SP3: variants seen among roughly 807,000 people sequenced by gnomAD.
SP3 encodes Sp3 transcription factor, also known as transcription factor Sp3.
SP3 carries 10 observed loss-of-function variants against 70.3 expected under a neutral mutation model. The ratio of observed to expected loss-of-function variants is 0.14; its 90% CI spans 0.09 to 0.24. The LOEUF is 0.24. Among genes scored for constraint, SP3 ranks in the 10% least tolerant of loss-of-function variants. SP3 has a pLI of 1.00. For synonymous variants in SP3, 402 were observed against 333.5 expected (o/e 1.21, Z -2.24); for missense variants, 825 against 914.6 (o/e 0.90, Z 1.26).
intron 4 of SP3, among the ~76,000 whole-genome samples, chr2:173,949,335 T>C (rs1690641976): frequency 6.6e-6 from 1 of 150,906 alleles, no homozygotes; most frequent in Admixed American, 6.6e-5. Flanking sequence ...GAAAATACTT[T>C]ATTCAAGGCT....
chr2:173,957,789 G>A (rs1357306286), intron 3 of SP3, among the ~76,000 whole-genome samples: 1 of 152,172 alleles, frequency 6.6e-6, no homozygotes, highest in African/African-American at 2.4e-5. Flanking sequence ...ACTAAAGGCT[G>A]AGAAATTGTG....
In SP3 at chr2:173,965,152, C is replaced by T. The variant is rs990342409; in HGVS notation, c.7+13G>A. 3.9e-6 allele frequency: 6 copies of T among 1,547,084 alleles called. No homozygotes were observed. Among genetic ancestry groups the T allele is most frequent in the Admixed American group, 2.0e-5 (1 of 50,790 alleles). Reference sequence around the variant, plus strand: ...GCGGCAGCAGCAAGGGTTGCTCTCTCGGCTTTACGTACCGGTCATAGTGTG... The same window carrying T: ...GCGGCAGCAGCAAGGGTTGCTCTCTTGGCTTTACGTACCGGTCATAGTGTG... On this transcript the variant is annotated intron_variant, in intron 1 of 6. Coordinates refer to ENST00000310015, the MANE Select transcript of SP3 (RefSeq NM_003111.5).
chr2:173,918,898 T>G, intron 4 of SP3, 113 bp from the exon 5 acceptor site: 2 of 829,190 alleles, frequency 2.4e-6, no homozygotes, highest in Non-Finnish European at 1.8e-6. Context: ...ACTACTTCTC[T>G]TGCCTAGACT....
At chr2:173,936,655 C>T (rs531162238) in intron 4 of SP3, among the ~76,000 whole-genome samples, 6 of 152,292 alleles carry the variant, frequency 3.9e-5, no homozygotes, top group African/African-American at 1.4e-4. Context: ...AAAAATGCTG[C>T]TTCCTTTCCT....
intron 4 of SP3, among the ~76,000 whole-genome samples, chr2:173,932,922 G>A (rs919575380): frequency 6.6e-6 from 1 of 152,170 alleles, no homozygotes; most frequent in African/African-American, 2.4e-5. Context: ...AATCCCAGAG[G>A]CAGAGCTTGC....
At chr2:173,932,326 G>C (rs1405215089) in intron 4 of SP3, among the ~76,000 whole-genome samples, 1 of 152,100 alleles carries the variant, frequency 6.6e-6, no homozygotes, top group Non-Finnish European at 1.5e-5. Context: ...CAAGTGGCTG[G>C]GATTACAGGC....
chr2:173,929,312 T>C (rs1358365173), intron 4 of SP3, among the ~76,000 whole-genome samples: 2 of 152,190 alleles, frequency 1.3e-5, no homozygotes, highest in Non-Finnish European at 2.9e-5. Flanking sequence ...ATATTTATTC[T>C]TCCCACATGA....
At chr2:173,956,677 C>T (rs1409752040) in intron 3 of SP3, among the ~76,000 whole-genome samples, 2 of 152,166 alleles carry the variant, frequency 1.3e-5, no homozygotes, top group Non-Finnish European at 2.9e-5. Context: ...ATGAAATCTA[C>T]TCTTTTGTGG....
In SP3 at chr2:173,964,420, C is replaced by G. The variant is rs1342099741; in HGVS notation, c.141G>C (p.Ala47=). Residue 47 remains alanine (A), a synonymous_variant, in exon 2 of 7, where the codon GCG becomes GCC. Coordinates refer to ENST00000310015, the MANE Select transcript of SP3 (RefSeq NM_003111.5). The part of the protein sequence containing the change: ...QQQHGNGAVA[A]AAAAQDTQPS... Reference sequence around the variant, plus strand: ...CGCTCCTCACCTGGGCCGCCGCTGCCGCCGCCACCGCACCGTTTCCGTGCT... The same window carrying G: ...CGCTCCTCACCTGGGCCGCCGCTGCGGCCGCCACCGCACCGTTTCCGTGCT... 1 of 729,014 alleles carries G rather than the reference C, an allele frequency of 1.4e-6. No individual in the cohort carries two copies. The highest frequency in any genetic ancestry group is 2.5e-6 in the Non-Finnish European group (1 of 398,264). 45.2% of individuals were successfully genotyped at this position (729,014 alleles called of 1,614,324 possible).
rs746337075 is a variant in SP3, at chr2:173,910,086, G to A, written c.2201C>T (p.Thr734Met). ...DDTLITAGGTTLILANIQQGS... is the reference protein window; with the variant it reads ...DDTLITAGGTMLILANIQQGS... ...TTGTTGAATATTTGCAAGGATAAGC[G>A]TTGTTCCTCCTGCAGTAATCAAAGT... The change falls in exon 7 of 7, where the codon ACG becomes ATG. Residue 734 changes from threonine (T) to methionine (M), a missense_variant. Physicochemically the swap from Thr to Met is moderately conservative, Grantham distance 81. This residue lies in a region of SP3 where 91 missense variants were observed against 97.4 expected (regional missense o/e 0.93). Coordinates refer to ENST00000310015, the MANE Select transcript of SP3 (RefSeq NM_003111.5). 3.1e-6 allele frequency: 5 copies of A among 1,612,808 alleles called. No homozygotes were observed. The highest frequency in any genetic ancestry group is 1.3e-5 in the African/African-American group (1 of 74,872).
rs2105449035 is a variant in SP3, at chr2:173,907,083, G to A, written c.*2858C>T. 6.6e-6 allele frequency: 1 copy of A among 152,190 alleles called. No individual in the cohort carries two copies. The highest frequency in any genetic ancestry group is 3.4e-3 in the Middle Eastern group (1 of 294). The allele number at this position is 152,190 out of a possible 1,614,324, so 9.4% of individuals were successfully genotyped here. On this transcript the variant is annotated 3_prime_UTR_variant, in exon 7 of 7. Coordinates refer to ENST00000310015, the MANE Select transcript of SP3 (RefSeq NM_003111.5). ...CCTTTAAAAGGTTATGTGCTTTTTG[G>A]TTGAGTCACTTTTCAGTAATTAAGC... is the stretch of plus-strand genomic sequence containing the variant.
At position 173,909,993 on chromosome 2, in the gene SP3, G is replaced by T. The variant is rs760421387; in HGVS notation, c.2294C>A (p.Thr765Asn). The T allele has an allele frequency of 2.5e-6, 4 of 1,613,838 alleles. No homozygotes were observed. In the Admixed American group the frequency reaches 5.0e-5, roughly 20 times the overall value. ...TGTGACAAGCTGTAAAGGTATTTCAGTGTTGGTAAGGATATCTTGATTGCT... is the reference window on the plus strand; with the variant it reads ...TGTGACAAGCTGTAAAGGTATTTCATTGTTGGTAAGGATATCTTGATTGCT... ...ATSNQDILTN[T>N]EIPLQLVTVS... The change falls in exon 7 of 7, where the codon ACT (threonine) becomes AAT (asparagine). Residue 765 changes from threonine to asparagine, a missense_variant. By Grantham distance (65) the Thr-to-Asn change is moderately conservative. Coordinates refer to ENST00000310015, the MANE Select transcript of SP3 (RefSeq NM_003111.5).
chr2:173,926,831 G>C (rs559588069), intron 4 of SP3, among the ~76,000 whole-genome samples: 1 of 152,240 alleles, frequency 6.6e-6, no homozygotes, highest in East Asian at 1.9e-4. Context: ...AGCCATGACA[G>C]AACAGATTTG....
intron 3 of SP3, among the ~76,000 whole-genome samples, chr2:173,961,575 A>G (rs1574428981): frequency 6.6e-6 from 1 of 152,236 alleles, no homozygotes; most frequent in Non-Finnish European, 1.5e-5. Context: ...ATGTATCATC[A>G]TTATCCTAAC....
At chr2:173,953,280 C>A (rs559747599) in intron 4 of SP3, among the ~76,000 whole-genome samples, 2 of 152,340 alleles carry the variant, frequency 1.3e-5, no homozygotes, top group African/African-American at 4.8e-5. Context: ...CTGAAAGTGT[C>A]AACACAGAGA....
At chr2:173,926,015 A>G (rs1689900009) in intron 4 of SP3, among the ~76,000 whole-genome samples, 1 of 152,242 alleles carries the variant, frequency 6.6e-6, no homozygotes, top group African/African-American at 2.4e-5. Flanking sequence ...TCTTAAAGGT[A>G]GACTGAATTT....
chr2:173,918,562 A>G (rs1440230240), intron 5 of SP3, 31 bp downstream of exon 5: 1 of 1,591,178 alleles, frequency 6.3e-7, no homozygotes, highest in Admixed American at 1.7e-5. Context: ...TAGCACTCTT[A>G]AAAATATATA....
Position 173,909,814 on chromosome 2 carries a change from T to A in SP3, c.*127A>T. The stretch of plus-strand genomic sequence containing the variant: ...CAAAGTAAGGCATTTCAGTGTCATG[T>A]ATAACCAAGTTACTGTCAATCCAAA... On this transcript the variant is annotated 3_prime_UTR_variant, in exon 7 of 7. Transcript: ENST00000310015. 1 of 722,988 alleles carries A rather than the reference T, an allele frequency of 1.4e-6. No homozygotes were observed. The highest frequency in any genetic ancestry group is 2.3e-6 in the Non-Finnish European group (1 of 441,854). 44.8% of individuals were successfully genotyped at this position (722,988 alleles called of 1,614,324 possible).
At chr2:173,950,752 A>C (rs192523956) in intron 4 of SP3, among the ~76,000 whole-genome samples, 5 of 152,290 alleles carry the variant, frequency 3.3e-5, no homozygotes, top group Admixed American at 2.6e-4. Context: ...CTGAAACAAA[A>C]ATGTTTTGCT....
Sources: gnomAD v4.1 joint callset for allele counts (sites outside exome capture counted in the v4.1 genomes callset) on GRCh38, gnomAD v4.1.1 for gene constraint, gnomAD v4.1.1 regional missense constraint, MANE v1.5 for transcripts, NCBI Gene and HGNC (gene_info 2026-07-23, HGNC 2026-07-21) for gene names.